The following ROBO1 variants were observed in gnomAD, a reference collection of about 807,000 sequenced individuals.
ROBO1 encodes roundabout guidance receptor 1.
ROBO1 carries 149 observed loss-of-function variants against 195.9 expected under a neutral mutation model. The ratio of observed to expected loss-of-function variants is 0.76; its 90% CI spans 0.67 to 0.87. The LOEUF is 0.87. Among genes scored for constraint, ROBO1 ranks in the 40% least tolerant of loss-of-function variants. The pLI, the probability that ROBO1 is intolerant of heterozygous loss-of-function variation, is 0.00. For synonymous variants in ROBO1, 816 were observed against 733.2 expected (o/e 1.11, Z -1.82); for missense variants, 1,933 against 2,068.3 (o/e 0.93, Z 1.27).
chr3:79,005,242 T>C (rs1295109401), intron 3 of ROBO1, among the ~76,000 whole-genome samples: 1 of 152,184 alleles, frequency 6.6e-6, no homozygotes, highest in Non-Finnish European at 1.5e-5. Flanking sequence ...GCCTTGACCT[T>C]CTCCCACTCA....
intron 7 of ROBO1, chr3:78,715,112 C>T (rs976986449): frequency 1.3e-5 from 2 of 152,156 alleles, no homozygotes; most frequent in African/African-American, 2.4e-5. Flanking sequence ...TCTACATGAT[C>T]TCCCTGAGTT....
intron 1 of ROBO1, among the ~76,000 whole-genome samples, chr3:79,700,583 G>A (rs1947594933): frequency 6.6e-6 from 1 of 151,792 alleles, no homozygotes; most frequent in Non-Finnish European, 1.5e-5. Context: ...ACTGGTGTGA[G>A]ATGGTGCCTT....
At position 79,416,278 on chromosome 3, in the gene ROBO1, T is replaced by C. The variant is rs529948388; in HGVS notation, c.88+173546A>G. ...CAAGAGATGATAAATGGCTTCGAGT[T>C]GTAGTGGAGATAGAAAGAAGTATAG... On this transcript the variant is annotated intron_variant, in intron 2 of 30. Transcript: ENST00000464233. Among the ~76,000 whole-genome samples the C allele has an allele frequency of 5.9e-5, 9 of 151,658 alleles. No homozygotes were observed. In the South Asian group the frequency reaches 1.9e-3, roughly 32 times the overall value.
At chr3:79,646,451 C>A (rs1307617958) in intron 1 of ROBO1, among the ~76,000 whole-genome samples, 1 of 152,048 alleles carries the variant, frequency 6.6e-6, no homozygotes, top group Admixed American at 6.6e-5. Context: ...TTCTTGTACA[C>A]TGTTGGGAAT....
chr3:79,049,878 A>G lies in ROBO1; in HGVS notation c.172+75578T>C, dbSNP rs146555697. ...TTTGTCACTACCAGACCTGCCCTAC[A>G]AGAGCTCCTGAAGGAAACACTAAAC... On this transcript the variant is annotated intron_variant, in intron 3 of 30. Coordinates refer to ENST00000464233, the MANE Select transcript of ROBO1 (RefSeq NM_002941.4). Among the ~76,000 whole-genome samples, 290 of 152,278 alleles carry G rather than the reference A, an allele frequency of 1.9e-3. 2 individuals carry two copies. The highest frequency in any genetic ancestry group is 6.6e-3 in the African/African-American group (275 of 41,556).
At chr3:79,331,507 T>C (rs923687772) in intron 2 of ROBO1, among the ~76,000 whole-genome samples, 3 of 152,192 alleles carry the variant, frequency 2.0e-5, no homozygotes, top group Non-Finnish European at 2.9e-5. Flanking sequence ...AAAAAATAAG[T>C]GTTTATGCTC....
intron 2 of ROBO1, among the ~76,000 whole-genome samples, chr3:79,376,347 G>A (rs1181061527): frequency 1.3e-5 from 2 of 152,068 alleles, no homozygotes; most frequent in African/African-American, 4.8e-5. Context: ...TTTCTTTTAT[G>A]TTTTATGAAT....
intron 4 of ROBO1, among the ~76,000 whole-genome samples, chr3:78,767,297 A>T (rs1178805490): frequency 6.6e-6 from 1 of 151,406 alleles, no homozygotes; most frequent in Non-Finnish European, 1.5e-5. Flanking sequence ...TTTTTGAGGC[A>T]GGGTCTCACC....
chr3:79,606,521 T>C (rs956888566), intron 1 of ROBO1, among the ~76,000 whole-genome samples: 2 of 151,984 alleles, frequency 1.3e-5, no homozygotes, highest in African/African-American at 2.4e-5. Context: ...CAAGTGATTC[T>C]CCTGCCTCAG....
chr3:79,654,771 C>A (rs897196448), intron 1 of ROBO1, among the ~76,000 whole-genome samples: 5 of 151,608 alleles, frequency 3.3e-5, no homozygotes, highest in African/African-American at 1.2e-4. Context: ...TTTCTTTTAG[C>A]CTCTCTATTA....
chr3:79,202,080 G>A (rs908429013), intron 2 of ROBO1, among the ~76,000 whole-genome samples: 1 of 151,844 alleles, frequency 6.6e-6, no homozygotes, highest in Non-Finnish European at 1.5e-5. Flanking sequence ...GATCCTTCAA[G>A]TCTGGGCGGC....
intron 2 of ROBO1, among the ~76,000 whole-genome samples, chr3:79,519,339 T>C (rs1941094496): frequency 6.6e-6 from 1 of 152,026 alleles, no homozygotes; most frequent in South Asian, 2.1e-4. Context: ...GTTCTCACTA[T>C]AAGAAGTGTG....
chr3:79,060,183 T>G (rs1283382439), intron 3 of ROBO1, among the ~76,000 whole-genome samples: 5 of 151,994 alleles, frequency 3.3e-5, no homozygotes, highest in African/African-American at 9.7e-5. Context: ...TGGTGAAATT[T>G]TAGTCAGACT....
At chr3:79,359,142 A>T (rs1423767895) in intron 2 of ROBO1, among the ~76,000 whole-genome samples, 1 of 152,062 alleles carries the variant, frequency 6.6e-6, no homozygotes, top group African/African-American at 2.4e-5. Context: ...TTTTGCTGGC[A>T]TAATGAGTAT....
chr3:79,507,494 C>T (rs1940465048), intron 2 of ROBO1, among the ~76,000 whole-genome samples: 1 of 152,166 alleles, frequency 6.6e-6, no homozygotes, highest in South Asian at 2.1e-4. Flanking sequence ...AGTAATCTTT[C>T]CAAGCATGCT....
chr3:79,128,225 G>A (rs529834460), intron 2 of ROBO1, among the ~76,000 whole-genome samples: 2 of 152,196 alleles, frequency 1.3e-5, no homozygotes, highest in East Asian at 3.9e-4. Flanking sequence ...TGAATTTAGG[G>A]CTACCCAGGC....
chr3:78,779,129 G>C lies in ROBO1; in HGVS notation c.500-32229C>G, dbSNP rs373702992. Among the ~76,000 whole-genome samples the C allele has an allele frequency of 2.5e-3, 377 of 152,178 alleles. 1 individual carries two copies. The highest frequency in any genetic ancestry group is 8.8e-3 in the African/African-American group (364 of 41,524). On this transcript the variant is annotated intron_variant, in intron 4 of 30. Coordinates refer to ENST00000464233, the MANE Select transcript of ROBO1 (RefSeq NM_002941.4). Reference sequence around the variant, plus strand: ...TTAAAGATGGATTAAAGACTTAAATGTAAAACCTAAAACCATAAAAACCCT... The same window carrying C: ...TTAAAGATGGATTAAAGACTTAAATCTAAAACCTAAAACCATAAAAACCCT...
chr3:79,335,313 T>C (rs2034620121), intron 2 of ROBO1, among the ~76,000 whole-genome samples: 1 of 152,146 alleles, frequency 6.6e-6, no homozygotes, highest in South Asian at 2.1e-4. Context: ...AGTGACAATC[T>C]CATATTGATA....
rs553437433 is a variant in ROBO1, at chr3:79,519,598, C to T, written c.88+70226G>A. Among the ~76,000 whole-genome samples the T allele has an allele frequency of 4.5e-5, 6 of 132,092 alleles. No homozygotes were observed. In the East Asian group the frequency reaches 1.4e-3, roughly 30 times the overall value. 86.7% of individuals were successfully genotyped at this position (132,092 alleles called of 152,430 possible). A position where few individuals can be genotyped will look rare whatever the true frequency, so the allele number is the denominator to read the frequency against. ...GAGCCAAGATCATGCCACTGCACTC[C>T]AGCCTGGGTGACAGAGCCAGACTCC... On this transcript the variant is annotated intron_variant, in intron 2 of 30. Transcript: ENST00000464233.
Sources: allele counts gnomAD v4.1 joint callset (sites outside exome capture counted in the v4.1 genomes callset), GRCh38; gene constraint gnomAD v4.1.1; transcripts MANE v1.5; gene names NCBI Gene and HGNC (gene_info 2026-07-23, HGNC 2026-07-21).